Variants in STK32B observed in about 807,000 individuals in gnomAD.
The protein encoded by STK32B is serine/threonine-protein kinase 32B.
Under a neutral mutation model 52.6 loss-of-function variants are expected in STK32B, and 43 were observed. The observed-to-expected ratio is 0.82, with a 90% CI of 0.64 to 1.05. STK32B has a LOEUF of 1.05. Ranked by LOEUF, STK32B falls within the 50% of genes least tolerant of loss-of-function variation. The probability of loss-of-function intolerance (pLI) is 0.00; values close to 1 mark genes in which losing one functional copy is unlikely to be tolerated. For synonymous variants in STK32B, 238 were observed against 204.3 expected, an observed-to-expected ratio of 1.17 and a Z score of -1.41; for missense variants, 621 against 534.6, an observed-to-expected ratio of 1.16 and a Z score of -1.59.
intron 1 of STK32B, among the ~76,000 whole-genome samples, chr4:5,109,803 A>G (rs1175719607): frequency 6.6e-6 from 1 of 152,200 alleles, no homozygotes; most frequent in Non-Finnish European, 1.5e-5. Context: ...AGGTATCCAA[A>G]TTGGAAAAGA....
At chr4:5,190,638 G>A (rs1055502758) in intron 3 of STK32B, among the ~76,000 whole-genome samples, 21 of 152,116 alleles carry the variant, frequency 1.4e-4, no homozygotes, top group African/African-American at 5.1e-4. Context: ...CACGGAGATC[G>A]GCAAAACTCA....
chr4:5,331,591 C>A (rs1008153523), intron 4 of STK32B, among the ~76,000 whole-genome samples, 198 bp downstream of exon 4: 9 of 152,186 alleles, frequency 5.9e-5, no homozygotes, highest in Non-Finnish European at 1.3e-4. Context: ...CCATCCTATA[C>A]CCGTACACTA....
intron 2 of STK32B, 150 bp downstream of exon 2, chr4:5,140,110 T>G (rs1402233706): frequency 1.4e-6 from 2 of 1,419,174 alleles, no homozygotes; most frequent in South Asian, 1.2e-5. Context: ...CTGAATAGTT[T>G]CCTTGCGATC....
chr4:5,407,333 C>T (rs1737746857), intron 5 of STK32B, among the ~76,000 whole-genome samples: 1 of 152,136 alleles, frequency 6.6e-6, no homozygotes, highest in Admixed American at 6.5e-5. Context: ...TCCAAAATTT[C>T]CCTCATCTTC....
chr4:5,217,620 C>A (rs935464539), intron 3 of STK32B, among the ~76,000 whole-genome samples: 3 of 152,190 alleles, frequency 2.0e-5, no homozygotes, highest in Non-Finnish European at 4.4e-5. Flanking sequence ...ATATCATAGT[C>A]ATACAATGTG....
intron 1 of STK32B, among the ~76,000 whole-genome samples, chr4:5,113,635 C>T (rs778206129): frequency 2.6e-5 from 4 of 152,210 alleles, no homozygotes; most frequent in Non-Finnish European, 4.4e-5. Context: ...TCTTCTACTA[C>T]TAAAACCCTG....
chr4:5,349,450 A>T (rs1378338575), intron 4 of STK32B, among the ~76,000 whole-genome samples: 2 of 152,202 alleles, frequency 1.3e-5, no homozygotes, highest in East Asian at 3.9e-4. Flanking sequence ...AAATTTCTCT[A>T]CACTGCCAAC....
intron 3 of STK32B, among the ~76,000 whole-genome samples, chr4:5,244,761 A>G (rs973898788): frequency 3.3e-5 from 5 of 152,018 alleles, no homozygotes; most frequent in Non-Finnish European, 7.3e-5. Context: ...TGTCCCAGAG[A>G]TTCTGGTATG....
At chr4:5,498,337 C>T (rs1212799504) in intron 11 of STK32B, among the ~76,000 whole-genome samples, 3 of 152,278 alleles carry the variant, frequency 2.0e-5, no homozygotes, top group Non-Finnish European at 1.5e-5. Context: ...ATGCAATGTT[C>T]GGAATCATAC....
chr4:5,216,543 A>G (rs1723194345), intron 3 of STK32B, among the ~76,000 whole-genome samples: 1 of 152,150 alleles, frequency 6.6e-6, no homozygotes, highest in African/African-American at 2.4e-5. Flanking sequence ...AATAGATAGG[A>G]GGAGTTTGTA....
At chr4:5,277,034 A>C (rs1470820969) in intron 3 of STK32B, among the ~76,000 whole-genome samples, 1 of 152,204 alleles carries the variant, frequency 6.6e-6, no homozygotes, top group South Asian at 2.1e-4. Flanking sequence ...CTCCAGATGA[A>C]CTTTTATCTT....
At chr4:5,192,971 C>T (rs145912080) in intron 3 of STK32B, among the ~76,000 whole-genome samples, 349 of 152,300 alleles carry the variant, frequency 2.3e-3, no homozygotes, top group Non-Finnish European at 4.5e-3. Flanking sequence ...GTCCGGCCTT[C>T]GGATCGCCTC....
At chr4:5,270,468 C>T (rs377310868) in intron 3 of STK32B, among the ~76,000 whole-genome samples, 1 of 152,214 alleles carries the variant, frequency 6.6e-6, no homozygotes, top group African/African-American at 2.4e-5. Flanking sequence ...AGTCCACTGA[C>T]TCAAAGGCAG....
intron 1 of STK32B, among the ~76,000 whole-genome samples, chr4:5,135,914 A>G (rs1716047271): frequency 1.3e-5 from 2 of 152,234 alleles, no homozygotes; most frequent in Admixed American, 6.5e-5. Context: ...AGTGGGGAAC[A>G]CAATTGTCCG....
At chr4:5,273,010 G>A (rs1276706898) in intron 3 of STK32B, among the ~76,000 whole-genome samples, 1 of 136,500 alleles carries the variant, frequency 7.3e-6, no homozygotes, top group Non-Finnish European at 1.6e-5. Flanking sequence ...TTAAACTAAA[G>A]AGCTTCTGCA....
At chr4:5,366,043 G>A (rs1408716249) in intron 4 of STK32B, among the ~76,000 whole-genome samples, 3 of 151,860 alleles carry the variant, frequency 2.0e-5, no homozygotes, top group Admixed American at 6.5e-5. Context: ...TCTGTAGGAT[G>A]CATGCCTACC....
At chr4:5,210,089 A>T (rs1298113529) in intron 3 of STK32B, among the ~76,000 whole-genome samples, 1 of 152,196 alleles carries the variant, frequency 6.6e-6, no homozygotes, top group African/African-American at 2.4e-5. Context: ...TGTCAAACAC[A>T]CACCCACAGC....
At chr4:5,275,061 C>T (rs997875632) in intron 3 of STK32B, among the ~76,000 whole-genome samples, 3 of 152,192 alleles carry the variant, frequency 2.0e-5, no homozygotes, top group Non-Finnish European at 2.9e-5. Flanking sequence ...CCCAAGATTC[C>T]ATTCCTTGGA....
chr4:5,289,439 ATTTAT>A (rs1167197456), intron 3 of STK32B, among the ~76,000 whole-genome samples: 1 of 152,084 alleles, frequency 6.6e-6, no homozygotes, highest in South Asian at 2.1e-4. Context: ...GCTACACTAA[ATTTAT>A]TTTATTCTTT....
Sources: allele counts gnomAD v4.1 joint callset (sites outside exome capture counted in the v4.1 genomes callset), GRCh38; gene constraint gnomAD v4.1.1; transcripts MANE v1.5; gene names NCBI Gene and HGNC (gene_info 2026-07-23, HGNC 2026-07-21).